SLIT2: variants seen among roughly 807,000 people sequenced by gnomAD.
SLIT2 encodes the protein slit homolog 2 protein.
A neutral mutation model predicts 185.7 loss-of-function variants in SLIT2; 41 were observed. The observed-to-expected ratio is 0.22, with a 90% CI of 0.17 to 0.29. SLIT2 has a LOEUF of 0.29. Among genes scored for constraint, SLIT2 ranks in the 10% least tolerant of loss-of-function variants. The pLI, the probability that SLIT2 is intolerant of heterozygous loss-of-function variation, is 1.00. For missense variants in SLIT2, 1,571 were observed against 1,909.0 expected, an observed-to-expected ratio of 0.82 and a Z score of 3.30; for synonymous variants, 693 against 680.2, an observed-to-expected ratio of 1.02 and a Z score of -0.29.
In SLIT2 at chr4:20,253,758, G is replaced by C; in HGVS notation, c.-58G>C. Reference sequence around the variant, plus strand: ...GCCTCAGACACTGCGCGGTTCCCTCGGAGCAGCAAGCTAAAGAAAGCCCCC... The same window carrying C: ...GCCTCAGACACTGCGCGGTTCCCTCCGAGCAGCAAGCTAAAGAAAGCCCCC... On this transcript the variant is annotated 5_prime_UTR_variant, in exon 1 of 37. Coordinates refer to ENST00000504154, the MANE Select transcript of SLIT2 (RefSeq NM_004787.4). 1 of 1,577,822 alleles carries C rather than the reference G, an allele frequency of 6.3e-7. No individual in the cohort carries two copies. The highest frequency in any genetic ancestry group is 8.6e-7 in the Non-Finnish European group (1 of 1,167,932).
chr4:20,553,755 G>A (rs749156928), intron 25 of SLIT2, 50 bp from the exon 26 acceptor site: 11 of 1,370,394 alleles, frequency 8.0e-6, no homozygotes, highest in East Asian at 2.5e-5. Flanking sequence ...GTGTGTGTGT[G>A]TATGTGTGTG....
chr4:20,405,421 A>G (rs1362427073), intron 4 of SLIT2, among the ~76,000 whole-genome samples: 2 of 151,972 alleles, frequency 1.3e-5, no homozygotes, highest in Non-Finnish European at 2.9e-5. Context: ...AATTTGTATT[A>G]TGGGAGTTGT....
rs542951164 is a variant in SLIT2 at position 20,376,924 on chromosome 4, C to T, written c.396-90828C>T. On this transcript the variant is annotated intron_variant, in intron 4 of 36. Transcript: ENST00000504154. Reference sequence around the variant, plus strand: ...CTTTAGGAGAAATACCTAATGTAAACGACTCGTTAATGGGTGCAGCAAACC... The same window carrying T: ...CTTTAGGAGAAATACCTAATGTAAATGACTCGTTAATGGGTGCAGCAAACC... Among the ~76,000 whole-genome samples the T allele has an allele frequency of 6.1e-4, 93 of 151,928 alleles. No individual in the cohort carries two copies. The South Asian group carries it at 0.015, about 24-fold the overall frequency.
At chr4:20,492,927 G>A (rs975567696) in intron 9 of SLIT2, among the ~76,000 whole-genome samples, 5 of 152,098 alleles carry the variant, frequency 3.3e-5, no homozygotes, top group Non-Finnish European at 7.4e-5. Context: ...TTAGAGCTTT[G>A]CAGTATAAGA....
intron 4 of SLIT2, chr4:20,394,846 G>A (rs992924695): frequency 6.6e-6 from 1 of 152,014 alleles, no homozygotes; most frequent in Non-Finnish European, 1.5e-5. Flanking sequence ...AAACACTGAG[G>A]TCTAATACTA....
intron 4 of SLIT2, among the ~76,000 whole-genome samples, chr4:20,443,208 A>G (rs972240645): frequency 6.6e-6 from 1 of 152,180 alleles, no homozygotes; most frequent in Non-Finnish European, 1.5e-5. Context: ...AGTGTGGGGT[A>G]TGGCACAAAG....
At chr4:20,614,947 G>A (rs1011525985) in intron 34 of SLIT2, 2 of 152,020 alleles carry the variant, frequency 1.3e-5, no homozygotes, top group Non-Finnish European at 2.9e-5. Flanking sequence ...GTCAAAGCTG[G>A]GCTTTTTCTA....
At chr4:20,588,137 G>C (rs1013412839) in intron 29 of SLIT2, among the ~76,000 whole-genome samples, 1 of 152,102 alleles carries the variant, frequency 6.6e-6, no homozygotes, top group Non-Finnish European at 1.5e-5. Flanking sequence ...AATAAAACCT[G>C]TTTAAAAATA....
At chr4:20,265,249 A>C (rs1387721062) in intron 3 of SLIT2, among the ~76,000 whole-genome samples, 2 of 151,950 alleles carry the variant, frequency 1.3e-5, no homozygotes, top group East Asian at 1.9e-4. Context: ...AATAAGTTTA[A>C]ATTTTAAATA....
At chr4:20,419,710 T>TGTGTGTGC (rs1553898834) in intron 4 of SLIT2, among the ~76,000 whole-genome samples, 1 of 146,368 alleles carries the variant, frequency 6.8e-6, no homozygotes, top group Non-Finnish European at 1.5e-5. Context: ...TGTGTGTGTG[T>TGTGTGTGC]TGCAAAAATA....
chr4:20,531,100 A>G (rs890827804), intron 16 of SLIT2, among the ~76,000 whole-genome samples: 5 of 152,052 alleles, frequency 3.3e-5, no homozygotes, highest in African/African-American at 4.8e-5. Flanking sequence ...ACGATTTACC[A>G]TGTGATCCAG....
chr4:20,528,147 G>A lies in SLIT2; in HGVS notation c.1463-802G>A. 2.2e-6 allele frequency: 1 copy of A among 460,172 alleles called. No individual in the cohort carries two copies. Among genetic ancestry groups the A allele is most frequent in the Admixed American group, 2.6e-5 (1 of 38,478 alleles). The allele number at this position is 460,172 out of a possible 1,614,324, so 28.5% of individuals were successfully genotyped here. ...CATCGGTAGTAATACTCTTACTGTGGTCATAAACATTCTGCGGGAAGAATG... is the reference window on the plus strand; with the variant it reads ...CATCGGTAGTAATACTCTTACTGTGATCATAAACATTCTGCGGGAAGAATG... On this transcript the variant is annotated intron_variant, in intron 15 of 36. Transcript: ENST00000504154. This position sits in a 1 kb window ranked among gnomAD's most constrained non-coding sequence, Gnocchi z 4.2.
chr4:20,318,860 T>G (rs1239010851), intron 4 of SLIT2, among the ~76,000 whole-genome samples: 1 of 152,204 alleles, frequency 6.6e-6, no homozygotes, highest in Non-Finnish European at 1.5e-5. Flanking sequence ...GTGTTTGGAT[T>G]CCACTCTGGG....
At chr4:20,511,196 T>C in intron 11 of SLIT2, 59 bp downstream of exon 11, 2 of 970,992 alleles carry the variant, frequency 2.1e-6, no homozygotes, top group Non-Finnish European at 1.6e-6. Flanking sequence ...GTGGCTACCT[T>C]TTTTAAATTG....
rs866762797 is a variant in SLIT2, at chr4:20,312,790, A to G, written c.395+43909A>G. On this transcript the variant is annotated intron_variant, in intron 4 of 36. Coordinates refer to ENST00000504154, the MANE Select transcript of SLIT2 (RefSeq NM_004787.4). ...TTGTCTCAAAAAAAAAAAAAAAAAAAAAAGAAAGAAAAGAAAACATATTTT... is the reference window on the plus strand; with the variant it reads ...TTGTCTCAAAAAAAAAAAAAAAAAAGAAAGAAAGAAAAGAAAACATATTTT... 8.7e-3 allele frequency among the ~76,000 whole-genome samples: 1,313 copies of G among 150,152 alleles called. 13 individuals carry two copies. The highest frequency in any genetic ancestry group is 0.029 in the African/African-American group (1,159 of 40,444).
At chr4:20,522,061 T>C (rs2148846394) in intron 12 of SLIT2, among the ~76,000 whole-genome samples, 1 of 152,248 alleles carries the variant, frequency 6.6e-6, no homozygotes, top group Non-Finnish European at 1.5e-5. Context: ...TAAAAAAATT[T>C]CTCCATTCCT....
intron 30 of SLIT2, among the ~76,000 whole-genome samples, chr4:20,594,187 G>A (rs1330453394): frequency 7.4e-5 from 11 of 148,470 alleles, no homozygotes; most frequent in African/African-American, 2.7e-4. Flanking sequence ...GTACATGTGT[G>A]TATATACATA....
intron 4 of SLIT2, among the ~76,000 whole-genome samples, chr4:20,449,470 G>A (rs1332573272): frequency 6.6e-6 from 1 of 152,086 alleles, no homozygotes; most frequent in Non-Finnish European, 1.5e-5. Context: ...GTGCAGTGGT[G>A]CAATCTCGGC....
At chr4:20,340,119 G>A (rs752236265) in intron 4 of SLIT2, among the ~76,000 whole-genome samples, 23 of 152,122 alleles carry the variant, frequency 1.5e-4, no homozygotes, top group Middle Eastern at 6.8e-3. Flanking sequence ...ATGTGGGAAC[G>A]TAGTAGGTGT....
Sources: gnomAD v4.1 joint callset for allele counts (sites outside exome capture counted in the v4.1 genomes callset) on GRCh38, gnomAD v4.1.1 for gene constraint, Gnocchi (gnomAD v3.1) non-coding constraint, MANE v1.5 for transcripts, NCBI Gene and HGNC (gene_info 2026-07-23, HGNC 2026-07-21) for gene names.